MTSS1: variants seen among roughly 807,000 people sequenced by gnomAD.
MTSS1 encodes the protein protein MTSS 1.
MTSS1 carries 18 observed loss-of-function variants against 79.0 expected under a neutral mutation model. That is an observed-to-expected ratio of 0.23 (90% CI 0.16 to 0.34). MTSS1 has a LOEUF of 0.34. Ranked by LOEUF, MTSS1 falls within the 10% of genes least tolerant of loss-of-function variation. The pLI is 1.00. For missense variants in MTSS1, 815 were observed against 986.2 expected (o/e 0.83, Z 2.33); for synonymous variants, 341 against 368.6 (o/e 0.93, Z 0.86).
At chr8:124,629,240 C>T (rs1238032397) in intron 3 of MTSS1, among the ~76,000 whole-genome samples, 5 of 151,982 alleles carry the variant, frequency 3.3e-5, no homozygotes, top group Admixed American at 6.6e-5. Flanking sequence ...GATGGCCAGG[C>T]GCGGTGGCTC....
intron 3 of MTSS1, among the ~76,000 whole-genome samples, chr8:124,646,993 G>T (rs1819111415): frequency 6.6e-6 from 1 of 152,098 alleles, no homozygotes. Flanking sequence ...CTACAGGCAT[G>T]TGCCACCATA....
In MTSS1 at chr8:124,704,207, G is replaced by A. The variant is rs926144105; in HGVS notation, c.73-16C>T. The A allele has an allele frequency of 3.0e-5, 49 of 1,612,346 alleles. No homozygotes were observed. The highest frequency in any genetic ancestry group is 4.0e-5 in the Non-Finnish European group (47 of 1,178,710). On this transcript the variant is annotated splice_polypyrimidine_tract_variant and intron_variant, in intron 1 of 13. Transcript: ENST00000518547. ...GATAGCTCCCCTGCAACACATCAAA[G>A]ACATCAGTAAGTCACACTGCGATAG... is the stretch of plus-strand genomic sequence containing the variant.
rs1241645633 is a variant in MTSS1, at chr8:124,727,959, C to A, written c.-4G>T. On this transcript the variant is annotated 5_prime_UTR_variant, in exon 1 of 14. Transcript: ENST00000518547. The surrounding 1 kb of genome is among the most constrained non-coding windows in gnomAD (Gnocchi z 4.7). ...CCTTCTCAATCACAGCCTCCATTTT[C>A]CCGGCTCCGGCAGGGCGAGGGCACA... 1 of 1,609,256 alleles carries A rather than the reference C, an allele frequency of 6.2e-7. No homozygotes were observed. The highest frequency in any genetic ancestry group is 1.1e-5 in the South Asian group (1 of 90,456).
intron 1 of MTSS1, among the ~76,000 whole-genome samples, chr8:124,720,261 C>T (rs935534082): frequency 6.6e-6 from 1 of 152,178 alleles, no homozygotes; most frequent in Non-Finnish European, 1.5e-5. Context: ...CATAGCGGGC[C>T]ACTTAGCTGG....
At chr8:124,570,539 T>G (rs968820385) in intron 6 of MTSS1, among the ~76,000 whole-genome samples, 22 of 152,364 alleles carry the variant, frequency 1.4e-4, no homozygotes, top group Non-Finnish European at 2.5e-4. Flanking sequence ...AAATTATGTA[T>G]TAAACTTTAC....
At chr8:124,632,325 C>G (rs192199477) in intron 3 of MTSS1, among the ~76,000 whole-genome samples, 1 of 149,880 alleles carries the variant, frequency 6.7e-6, no homozygotes, top group Non-Finnish European at 1.5e-5. Context: ...CTCAATCCTG[C>G]CTTTTATTAA....
chr8:124,634,855 A>G (rs995973836), intron 3 of MTSS1, among the ~76,000 whole-genome samples: 1 of 152,202 alleles, frequency 6.6e-6, no homozygotes, highest in African/African-American at 2.4e-5. Flanking sequence ...ATCAGAACCT[A>G]CATTTGACAG....
intron 3 of MTSS1, among the ~76,000 whole-genome samples, chr8:124,677,181 G>A (rs940771397): frequency 1.3e-5 from 2 of 152,126 alleles, no homozygotes; most frequent in South Asian, 2.1e-4. Flanking sequence ...ATCAGGAGGA[G>A]GCAGGGAGAA....
In MTSS1 at chr8:124,727,527, G is replaced by C. The variant is rs1159307611; in HGVS notation, c.72+357C>G. ...GCCCGGAGGAATCAGGTGTCCTCCC[G>C]GGCATCCAGCCCCCGCGGGTCCCAG... On this transcript the variant is annotated intron_variant, in intron 1 of 13. Transcript: ENST00000518547. The surrounding 1 kb of genome is among the most constrained non-coding windows in gnomAD (Gnocchi z 4.7). The C allele has an allele frequency of 2.1e-6, 1 of 472,706 alleles. No homozygotes were observed. The allele number at this position is 472,706 out of a possible 1,614,324, so 29.3% of individuals were successfully genotyped here.
At chr8:124,650,069 C>G (rs1414622804) in intron 3 of MTSS1, among the ~76,000 whole-genome samples, 1 of 151,110 alleles carries the variant, frequency 6.6e-6, no homozygotes, top group Admixed American at 6.6e-5. Context: ...CTTGCTCTGT[C>G]ACCCAGGCTG....
chr8:124,658,085 G>C (rs571106029), intron 3 of MTSS1, among the ~76,000 whole-genome samples: 2 of 152,142 alleles, frequency 1.3e-5, no homozygotes, highest in Admixed American at 1.3e-4. Flanking sequence ...CCCTCACCAG[G>C]AGCCAAATGA....
intron 3 of MTSS1, among the ~76,000 whole-genome samples, chr8:124,634,307 T>C (rs1816605307): frequency 6.6e-6 from 1 of 151,126 alleles, no homozygotes; most frequent in African/African-American, 2.4e-5. Context: ...TGTTTTGTAG[T>C]TTTTTTTATA....
chr8:124,660,903 G>A (rs1821911500), intron 3 of MTSS1, among the ~76,000 whole-genome samples: 1 of 152,220 alleles, frequency 6.6e-6, no homozygotes, highest in Non-Finnish European at 1.5e-5. Flanking sequence ...TGTGCCCCAA[G>A]GTCCGAGTGG....
chr8:124,626,483 A>T (rs1216824444), intron 3 of MTSS1, among the ~76,000 whole-genome samples: 2 of 152,166 alleles, frequency 1.3e-5, no homozygotes, highest in East Asian at 1.9e-4. Flanking sequence ...AAATAAAAAT[A>T]AAAAAACCAA....
At chr8:124,715,491 G>A (rs1831803972) in intron 1 of MTSS1, among the ~76,000 whole-genome samples, 2 of 152,194 alleles carry the variant, frequency 1.3e-5, no homozygotes, top group African/African-American at 2.4e-5. Flanking sequence ...CACTGGCCTT[G>A]CTGCGCTATA....
At chr8:124,603,999 G>A (rs1332454955) in intron 3 of MTSS1, among the ~76,000 whole-genome samples, 1 of 152,134 alleles carries the variant, frequency 6.6e-6, no homozygotes, top group African/African-American at 2.4e-5. Flanking sequence ...CTCACCTAAG[G>A]TTGAGAGTTC....
At position 124,644,147 on chromosome 8, in the gene MTSS1, G is replaced by T. The variant is rs371455092; in HGVS notation, c.209-52912C>A. On this transcript the variant is annotated intron_variant, in intron 3 of 13. Coordinates refer to ENST00000518547, the MANE Select transcript of MTSS1 (RefSeq NM_014751.6). The stretch of plus-strand genomic sequence containing the variant: ...TTTAAGACCTGGGAACATGGGCATT[G>T]CTCATTTTCATGTACTATTATTTGT... 1.2e-4 allele frequency among the ~76,000 whole-genome samples: 18 copies of T among 152,198 alleles called. No homozygotes were observed. The South Asian group carries it at 2.1e-3, about 18-fold the overall frequency.
intron 3 of MTSS1, among the ~76,000 whole-genome samples, chr8:124,667,113 TCCC>T (rs1056856043): frequency 2.0e-5 from 3 of 151,956 alleles, no homozygotes; most frequent in Non-Finnish European, 2.9e-5. Context: ...GCCCTGGGTT[TCCC>T]CCCATCTTAG....
rs1413508623 is a variant in MTSS1 at position 124,727,401 on chromosome 8, C to A, written c.72+483G>T. Among the ~76,000 whole-genome samples the A allele has an allele frequency of 6.6e-5, 10 of 152,184 alleles. No individual in the cohort carries two copies. Among genetic ancestry groups the A allele is most frequent in the African/African-American group, 2.2e-4 (9 of 41,460 alleles). On this transcript the variant is annotated intron_variant, in intron 1 of 13. Transcript: ENST00000518547. This position sits in a 1 kb window ranked among gnomAD's most constrained non-coding sequence, Gnocchi z 4.7. ...AGTAGACCTGACAGCCAAGGAGGGACTGGCTTTCCCTCTCAGTCTCCTAGG... is the reference window on the plus strand; with the variant it reads ...AGTAGACCTGACAGCCAAGGAGGGAATGGCTTTCCCTCTCAGTCTCCTAGG...
Sources: gnomAD v4.1 joint callset for allele counts (sites outside exome capture counted in the v4.1 genomes callset) on GRCh38, gnomAD v4.1.1 for gene constraint, Gnocchi (gnomAD v3.1) non-coding constraint, MANE v1.5 for transcripts, NCBI Gene and HGNC (gene_info 2026-07-23, HGNC 2026-07-21) for gene names.